The following P3H2 variants were observed in gnomAD, a reference collection of about 807,000 sequenced individuals.
The protein encoded by P3H2 is leprecan-like 1.
P3H2 carries 80 observed loss-of-function variants against 87.0 expected under a neutral mutation model. The observed-to-expected ratio is 0.92, with a 90% confidence interval of 0.77 to 1.11. P3H2 has a LOEUF of 1.11. Among genes scored for constraint, P3H2 ranks in the 50% least tolerant of loss-of-function variants. The probability of loss-of-function intolerance (pLI) is 0.00; values close to 1 mark genes in which losing one functional copy is unlikely to be tolerated. For missense variants in P3H2, 1,001 were observed against 923.9 expected, an observed-to-expected ratio of 1.08 and a Z score of -1.08; for synonymous variants, 367 against 359.3, an observed-to-expected ratio of 1.02 and a Z score of -0.24.
intron 13 of P3H2, among the ~76,000 whole-genome samples, chr3:189,966,117 G>GAA (rs1553871086): frequency 5.9e-4 from 54 of 91,732 alleles, no homozygotes; most frequent in African/African-American, 2.4e-3. Context: ...AAGAAAGAAA[G>GAA]AAAGAAAAAG....
intron 1 of P3H2, among the ~76,000 whole-genome samples, chr3:190,082,028 C>T (rs944119854): frequency 1.5e-4 from 23 of 152,114 alleles, no homozygotes; most frequent in African/African-American, 5.6e-4. Flanking sequence ...CCAAAGTGGG[C>T]AGATCACTTG....
intron 1 of P3H2, among the ~76,000 whole-genome samples, chr3:190,022,914 C>T (rs1724970530): frequency 6.6e-6 from 1 of 152,112 alleles, no homozygotes; most frequent in South Asian, 2.1e-4. Flanking sequence ...GCAAGTTCCA[C>T]CTCCCGGGTT....
chr3:190,011,414 TCCTTAAA>T (rs1280363277), intron 1 of P3H2, among the ~76,000 whole-genome samples: 2 of 152,216 alleles, frequency 1.3e-5, no homozygotes, highest in African/African-American at 4.8e-5. Flanking sequence ...TTATTTATGG[TCCTTAAA>T]CCTTCCATTT....
chr3:189,959,232 T>TC (rs1560335312), intron 14 of P3H2, among the ~76,000 whole-genome samples: 32 of 57,310 alleles, frequency 5.6e-4, no homozygotes, highest in Admixed American at 1.8e-3. Flanking sequence ...TGTCTCTTCT[T>TC]TTTTTTTTCT....
At chr3:190,060,799 T>C (rs1033265473) in intron 1 of P3H2, among the ~76,000 whole-genome samples, 3 of 152,136 alleles carry the variant, frequency 2.0e-5, no homozygotes, top group South Asian at 2.1e-4. Context: ...TCAAAACCCA[T>C]GTACTAACAT....
intron 1 of P3H2, among the ~76,000 whole-genome samples, chr3:190,006,308 G>T (rs1724386908): frequency 6.6e-6 from 1 of 152,214 alleles, no homozygotes; most frequent in African/African-American, 2.4e-5. Context: ...GGTGGATAAA[G>T]AACCTGCCTA....
chr3:190,017,625 G>A (rs1028009541), intron 1 of P3H2, among the ~76,000 whole-genome samples: 2 of 152,140 alleles, frequency 1.3e-5, no homozygotes, highest in Non-Finnish European at 2.9e-5. Flanking sequence ...GTTTGCCATC[G>A]AGCCACACCC....
chr3:189,957,573 C>A lies in P3H2; in HGVS notation c.*339G>T. ...GGTGTGGTGGCACGTGCCTGTGGTC[C>A]CAGCTCCCCGGGAGGCTTGAAGGAT... On this transcript the variant is annotated 3_prime_UTR_variant, in exon 15 of 15. Coordinates refer to ENST00000319332, the MANE Select transcript of P3H2 (RefSeq NM_018192.4). 2.6e-6 allele frequency: 1 copy of A among 390,756 alleles called. No homozygotes were observed. Among genetic ancestry groups the A allele is most frequent in the Non-Finnish European group, 4.6e-6 (1 of 217,358 alleles). 24.2% of individuals were successfully genotyped at this position (390,756 alleles called of 1,614,324 possible).
chr3:190,012,350 A>G (rs1404423788), intron 1 of P3H2, among the ~76,000 whole-genome samples: 1 of 151,952 alleles, frequency 6.6e-6, no homozygotes, highest in African/African-American at 2.4e-5. Context: ...AGCCAGAGTG[A>G]TCTTTCTAAA....
intron 12 of P3H2, 153 bp downstream of exon 12, chr3:189,971,737 T>C: frequency 1.5e-6 from 1 of 661,144 alleles, no homozygotes; most frequent in South Asian, 1.7e-5. Flanking sequence ...TAATGCCACT[T>C]ATTGGTTATG....
At chr3:190,029,702 A>C (rs1052923800) in intron 1 of P3H2, among the ~76,000 whole-genome samples, 6 of 152,294 alleles carry the variant, frequency 3.9e-5, no homozygotes, top group Admixed American at 3.3e-4. Flanking sequence ...TATTTGAGGA[A>C]ACAAAGATAA....
At chr3:190,051,473 C>T (rs532436358) in intron 1 of P3H2, among the ~76,000 whole-genome samples, 26 of 152,256 alleles carry the variant, frequency 1.7e-4, no homozygotes, top group African/African-American at 6.0e-4. Flanking sequence ...GAGATAAATC[C>T]TGGGCATTTA....
chr3:190,089,941 T>G (rs1727354619), intron 1 of P3H2, among the ~76,000 whole-genome samples: 1 of 152,086 alleles, frequency 6.6e-6, no homozygotes, highest in African/African-American at 2.4e-5. Flanking sequence ...ATGGGGACGT[T>G]TGTTGGGGAG....
At chr3:190,013,737 A>C (rs837674) in intron 1 of P3H2, among the ~76,000 whole-genome samples, 118,508 of 152,158 alleles carry the variant, frequency 0.78, 46,369 homozygotes, top group East Asian at 0.93. Flanking sequence ...AATATCTTTT[A>C]CAGGTCCAGA....
chr3:189,965,661 G>C (rs1435046948), intron 13 of P3H2, among the ~76,000 whole-genome samples: 1 of 152,140 alleles, frequency 6.6e-6, no homozygotes, highest in East Asian at 1.9e-4. Flanking sequence ...AGCAAAATAA[G>C]TGAAAGGTAA....
intron 1 of P3H2, among the ~76,000 whole-genome samples, chr3:190,098,627 A>G (rs1711509077): frequency 6.6e-6 from 1 of 152,178 alleles, no homozygotes; most frequent in Non-Finnish European, 1.5e-5. Context: ...ATGAGAAAAC[A>G]GAGGCAAAAG....
intron 1 of P3H2, among the ~76,000 whole-genome samples, chr3:190,075,225 C>A (rs369360110): frequency 1.3e-5 from 2 of 152,212 alleles, no homozygotes; most frequent in Admixed American, 1.3e-4. Context: ...GTGGCTCATG[C>A]CAGGAATCCC....
At chr3:190,080,983 G>A (rs1727024165) in intron 1 of P3H2, among the ~76,000 whole-genome samples, 1 of 152,176 alleles carries the variant, frequency 6.6e-6, no homozygotes, top group Non-Finnish European at 1.5e-5. Context: ...ATGTTTATGT[G>A]AACAGCTCTG....
intron 1 of P3H2, among the ~76,000 whole-genome samples, chr3:190,101,906 C>A (rs963522078): frequency 6.6e-6 from 1 of 152,182 alleles, no homozygotes; most frequent in Non-Finnish European, 1.5e-5. Context: ...CAGCTGGTGA[C>A]TTTAACTTGA....
Sources: allele counts gnomAD v4.1 joint callset (sites outside exome capture counted in the v4.1 genomes callset), GRCh38; gene constraint gnomAD v4.1.1; transcripts MANE v1.5; gene names NCBI Gene and HGNC (gene_info 2026-07-23, HGNC 2026-07-21).